Variants in PHF1 observed in about 807,000 individuals in gnomAD.
PHF1 encodes the protein polycomb-like 1.
PHF1 carries 16 observed loss-of-function variants against 69.4 expected under a neutral mutation model. The ratio of observed to expected loss-of-function variants is 0.23; its 90% CI spans 0.16 to 0.35. The LOEUF is 0.35. PHF1 is among the 10% of genes least tolerant of loss of function. The pLI, the probability that PHF1 is intolerant of heterozygous loss-of-function variation, is 1.00. For synonymous variants in PHF1, 274 were observed against 275.0 expected (o/e 1.00, Z 0.04); for missense variants, 515 against 732.8 (o/e 0.70, Z 3.43).
chr6:33,414,189 G>C lies in PHF1; in HGVS notation c.753-54G>C. ...TATATGCCCCAACCTCCCACCTCAG[G>C]ACTCCCCTGGCTCTTAAAATGCCTC... On this transcript the variant is annotated intron_variant, in intron 8 of 14. Transcript: ENST00000374516. The surrounding 1 kb of genome is among the most constrained non-coding windows in gnomAD (Gnocchi z 5.0). The C allele has an allele frequency of 1.2e-6, 2 of 1,613,890 alleles. No homozygotes were observed. The highest frequency in any genetic ancestry group is 1.1e-5 in the South Asian group (1 of 91,074).
chr6:33,416,246 G>A lies in PHF1; in HGVS notation c.*148G>A. On this transcript the variant is annotated 3_prime_UTR_variant, in exon 15 of 15. Coordinates refer to ENST00000374516, the MANE Select transcript of PHF1 (RefSeq NM_024165.3). The stretch of plus-strand genomic sequence containing the variant: ...GCTGGAATCCAAGAGTGGGGAGTGG[G>A]GAAGAGGCCCTCTTCTCTACCCTCC... 1 of 583,200 alleles carries A rather than the reference G, an allele frequency of 1.7e-6. No individual in the cohort carries two copies. Among genetic ancestry groups the A allele is most frequent in the Non-Finnish European group, 2.8e-6 (1 of 357,208 alleles). 36.1% of individuals were successfully genotyped at this position (583,200 alleles called of 1,614,324 possible). A position where few individuals can be genotyped will look rare whatever the true frequency, so the allele number is the denominator to read the frequency against.
chr6:33,413,685 G>C (rs370596406), intron 6 of PHF1, 51 bp from the exon 7 acceptor site: 1 of 1,602,486 alleles, frequency 6.2e-7, no homozygotes, highest in African/African-American at 1.3e-5. Flanking sequence ...GTTTGGGACA[G>C]TTATGGGGAA....
chr6:33,413,329 G>GAC lies in PHF1; in HGVS notation c.438+34_438+35insCA, dbSNP rs767638497. On this transcript the variant is annotated intron_variant, in intron 5 of 14. Coordinates refer to ENST00000374516, the MANE Select transcript of PHF1 (RefSeq NM_024165.3). ...CACTTCCCTGTTACCCTTCCTGTGG[G>GAC]AGCCTCCCATCCACAGCCTCTCCCA... 1.6e-5 allele frequency: 25 copies of GAC among 1,610,294 alleles called. No individual in the cohort carries two copies. The Admixed American group carries it at 2.3e-4, about 15-fold the overall frequency.
At position 33,415,222 on chromosome 6, in the gene PHF1, C is replaced by T. The variant is rs747440623; in HGVS notation, c.1240-13C>T. 2 of 1,612,498 alleles carry T rather than the reference C, an allele frequency of 1.2e-6. No homozygotes were observed. Among genetic ancestry groups the T allele is most frequent in the African/African-American group, 1.3e-5 (1 of 74,828 alleles). On this transcript the variant is annotated splice_polypyrimidine_tract_variant and intron_variant, in intron 12 of 14. Transcript: ENST00000374516. ...TCAAGGATTATCTCTCAGTCCTTTG[C>T]CCCCTCTTCTAGGCCTCAGTGTCTC...
At position 33,415,262 on chromosome 6, in the gene PHF1, C is replaced by A. The variant is rs1581950319; in HGVS notation, c.1267C>A (p.Pro423Thr). 1 of 1,613,978 alleles carries A rather than the reference C, an allele frequency of 6.2e-7. No homozygotes were observed. Among genetic ancestry groups the A allele is most frequent in the East Asian group, 2.2e-5 (1 of 44,880 alleles). ...CTCAGTGTCTCCACCATCCCCCAGC[C>A]CTAACCAGAGTTACCAGGGCAGCAG... ...QASVSPPSPS[P>T]NQSYQGSSGY... Residue 423 changes from proline (P) to threonine (T), a missense_variant, in exon 13 of 15, where the codon CCT becomes ACT. Pro to Thr is a conservative substitution (Grantham distance 38). Around this residue, in one of 5 missense-constraint regions of PHF1, gnomAD observed 274 missense variants for 304.5 expected, o/e 0.90. Transcript: ENST00000374516.
At chr6:33,413,915 C>G (rs989058311) in intron 7 of PHF1, 84 bp downstream of exon 7, 1 of 1,525,822 alleles carries the variant, frequency 6.6e-7, no homozygotes, top group Non-Finnish European at 9.1e-7. Flanking sequence ...CCCTTCTCCA[C>G]TCCAGTCTCT....
In PHF1 at chr6:33,415,100, C is replaced by A. The variant is rs780956155; in HGVS notation, c.1195C>A (p.Pro399Thr). The A allele has an allele frequency of 6.2e-7, 1 of 1,613,190 alleles. No homozygotes were observed. The highest frequency in any genetic ancestry group is 8.5e-7 in the Non-Finnish European group (1 of 1,179,590). Reference sequence around the variant, plus strand: ...CTCAGCAGTGCGCAATCAGCCCGAGCCCCAGGAGCAGAGGGAGCGGGCTCA... The same window carrying A: ...CTCAGCAGTGCGCAATCAGCCCGAGACCCAGGAGCAGAGGGAGCGGGCTCA... ...PPSAVRNQPE[P>T]QEQRERAHLQ... The change falls in exon 12 of 15, where the codon CCC becomes ACC. Residue 399 changes from proline (P) to threonine (T), a missense_variant. Around this residue, in one of 5 missense-constraint regions of PHF1, gnomAD observed 274 missense variants for 304.5 expected, o/e 0.90. Coordinates refer to ENST00000374516, the MANE Select transcript of PHF1 (RefSeq NM_024165.3).
Position 33,416,430 on chromosome 6 carries a change from A to C in PHF1, c.*332A>C, listed in dbSNP as rs1049688278. 3.6e-6 allele frequency: 2 copies of C among 555,238 alleles called. No individual in the cohort carries two copies. Among genetic ancestry groups the C allele is most frequent in the African/African-American group, 3.8e-5 (2 of 53,324 alleles). The allele number at this position is 555,238 out of a possible 1,614,324, so 34.4% of individuals were successfully genotyped here. A position where few individuals can be genotyped will look rare whatever the true frequency, so the allele number is the denominator to read the frequency against. On this transcript the variant is annotated 3_prime_UTR_variant, in exon 15 of 15. Coordinates refer to ENST00000374516, the MANE Select transcript of PHF1 (RefSeq NM_024165.3). ...ACTCTGTATGATTGAAATAAAGAGA[A>C]ATAAACAAATCTAGCAGCTCTGAGT...
chr6:33,416,053 C>T lies in PHF1; in HGVS notation c.1659C>T (p.Gly553=). 1.9e-6 allele frequency: 3 copies of T among 1,602,920 alleles called. No homozygotes were observed. Among genetic ancestry groups the T allele is most frequent in the East Asian group, 2.2e-5 (1 of 44,770 alleles). Residue 553 remains glycine, a synonymous_variant, in exon 15 of 15, where the codon GGC becomes GGT. Transcript: ENST00000374516. ...TTGCTCGGAGAGTACGGCCTGATGG[C>T]TCTGTGCAGTACCTGGTTGAGTGGG... ...RVLARRVRPD[G]SVQYLVEWGG...
At position 33,413,313 on chromosome 6, in the gene PHF1, G is replaced by A. The variant is rs1285132840; in HGVS notation, c.438+17G>A. The stretch of plus-strand genomic sequence containing the variant: ...GCCACCAAGGTAAAGGCACTTCCCT[G>A]TTACCCTTCCTGTGGGAGCCTCCCA... On this transcript the variant is annotated intron_variant, in intron 5 of 14. Transcript: ENST00000374516. The A allele has an allele frequency of 3.1e-6, 5 of 1,612,042 alleles. No individual in the cohort carries two copies. Among genetic ancestry groups the A allele is most frequent in the Non-Finnish European group, 4.2e-6 (5 of 1,178,844 alleles).
At chr6:33,413,888 C>A (rs896004595) in intron 7 of PHF1, 57 bp downstream of exon 7, 2 of 1,550,288 alleles carry the variant, frequency 1.3e-6, no homozygotes, top group Non-Finnish European at 1.8e-6. Context: ...TCGTGTTCCA[C>A]CCTCAGTTCT....
intron 4 of PHF1, 74 bp from the exon 5 acceptor site, chr6:33,413,122 G>A (rs1348110682): frequency 3.2e-6 from 4 of 1,252,058 alleles, no homozygotes; most frequent in Admixed American, 1.7e-5. Context: ...TAAATGAGAT[G>A]GGTAAAGACT....
chr6:33,413,305 A>G lies in PHF1; in HGVS notation c.438+9A>G, dbSNP rs73416054. 8.6e-3 allele frequency: 13,829 copies of G among 1,612,696 alleles called. 1,127 individuals carry two copies. In the African/African-American group the frequency reaches 0.16, roughly 19 times the overall value. On this transcript the variant is annotated intron_variant, in intron 5 of 14. Transcript: ENST00000374516. ...TTGCGATCGCCACCAAGGTAAAGGC[A>G]CTTCCCTGTTACCCTTCCTGTGGGA...
intron 4 of PHF1, 64 bp from the exon 5 acceptor site, chr6:33,413,132 T>C: frequency 7.5e-7 from 1 of 1,338,510 alleles, no homozygotes. Context: ...GGGTAAAGAC[T>C]ATTCCTGTCC....
chr6:33,415,285 C>T lies in PHF1; in HGVS notation c.1290C>T (p.Ser430=), dbSNP rs773856487. Residue 430 remains serine, a synonymous_variant, in exon 13 of 15, where the codon AGC becomes AGT. Coordinates refer to ENST00000374516, the MANE Select transcript of PHF1 (RefSeq NM_024165.3). The part of the protein sequence containing the change: ...SPSPNQSYQG[S]SGYNFRPTDA... ...GCCCTAACCAGAGTTACCAGGGCAG[C>T]AGCGGCTACAACTTCCGGCCCACAG... is the stretch of plus-strand genomic sequence containing the variant. 13 of 1,613,732 alleles carry T rather than the reference C, an allele frequency of 8.1e-6. No homozygotes were observed. In the African/African-American group the frequency reaches 1.6e-4, roughly 20 times the overall value.
In PHF1 at chr6:33,412,166, A is replaced by G. The variant is rs1776111889; in HGVS notation, c.-16-82A>G. On this transcript the variant is annotated intron_variant, in intron 1 of 14. Coordinates refer to ENST00000374516, the MANE Select transcript of PHF1 (RefSeq NM_024165.3). The surrounding 1 kb of genome is among the most constrained non-coding windows in gnomAD (Gnocchi z 4.2). Reference sequence around the variant, plus strand: ...GACAGAGCAAAACTCCATCTCAGGAAAAAAAAAAAAAAAAGAAAAAGAAAA... The same window carrying G: ...GACAGAGCAAAACTCCATCTCAGGAGAAAAAAAAAAAAAAGAAAAAGAAAA... The G allele has an allele frequency of 8.2e-5, 50 of 610,684 alleles. No homozygotes were observed. Among genetic ancestry groups the G allele is most frequent in the Non-Finnish European group, 1.1e-4 (47 of 423,338 alleles). The allele number at this position is 610,684 out of a possible 1,614,324, so 37.8% of individuals were successfully genotyped here. A position where few individuals can be genotyped will look rare whatever the true frequency, so the allele number is the denominator to read the frequency against.
chr6:33,415,312 T>TG lies in PHF1; in HGVS notation c.1318dup (p.Ala440GlyfsTer48). 1 of 1,613,092 alleles carries TG rather than the reference T, an allele frequency of 6.2e-7. No homozygotes were observed. The highest frequency in any genetic ancestry group is 8.5e-7 in the Non-Finnish European group (1 of 1,179,702). On this transcript the variant is annotated frameshift_variant, in exon 13 of 15. Coordinates refer to ENST00000374516, the MANE Select transcript of PHF1 (RefSeq NM_024165.3). LOFTEE classifies it high-confidence loss of function. The stretch of plus-strand genomic sequence containing the variant: ...GCGGCTACAACTTCCGGCCCACAGA[T>TG]GCCCGCTGCCTGCCCAGGTCAGTGC...
chr6:33,415,076 T>C lies in PHF1; in HGVS notation c.1171T>C (p.Ser391Pro), dbSNP rs773923547. ...GAAAGTGGAGGAGCTGGGGCCACCC[T>C]CAGCAGTGCGCAATCAGCCCGAGCC... ...KGKVEELGPP[S>P]AVRNQPEPQE... The change falls in exon 12 of 15, where the codon TCA (serine) becomes CCA (proline). Residue 391 changes from serine to proline, a missense_variant. Ser to Pro is a moderately conservative substitution (Grantham distance 74, BLOSUM62 -1). Coordinates refer to ENST00000374516, the MANE Select transcript of PHF1 (RefSeq NM_024165.3). 1.2e-6 allele frequency: 2 copies of C among 1,612,028 alleles called. No individual in the cohort carries two copies.
Position 33,414,007 on chromosome 6 carries a change from G to C in PHF1, c.684-34G>C. 1.9e-6 allele frequency: 3 copies of C among 1,613,032 alleles called. No individual in the cohort carries two copies. Among genetic ancestry groups the C allele is most frequent in the Non-Finnish European group, 2.5e-6 (3 of 1,179,428 alleles). The stretch of plus-strand genomic sequence containing the variant: ...CCAGGGGATGGCACAGTTTTCCTGT[G>C]TAAGTGTGTTTGCTCCCTCTTGCCC... On this transcript the variant is annotated intron_variant, in intron 7 of 14. Coordinates refer to ENST00000374516, the MANE Select transcript of PHF1 (RefSeq NM_024165.3). This position sits in a 1 kb window ranked among gnomAD's most constrained non-coding sequence, Gnocchi z 5.0.
Sources: gnomAD v4.1 joint callset for allele counts on GRCh38, gnomAD v4.1.1 for gene constraint, gnomAD v4.1.1 regional missense constraint, Gnocchi (gnomAD v3.1) non-coding constraint, MANE v1.5 for transcripts, NCBI Gene and HGNC (gene_info 2026-07-23, HGNC 2026-07-21) for gene names.